The following PLCG2 variants were observed in gnomAD, a reference collection of about 807,000 sequenced individuals.
PLCG2 encodes the protein phospholipase C gamma 2, also known as 1-phosphatidylinositol 4,5-bisphosphate phosphodiesterase gamma-2.
In PLCG2, 69 loss-of-function variants were observed where a neutral mutation model predicts 175.6. The ratio of observed to expected loss-of-function variants is 0.39; its 90% CI spans 0.32 to 0.48. PLCG2 has a LOEUF of 0.48. Ranked by LOEUF, PLCG2 falls within the 20% of genes least tolerant of loss-of-function variation. The pLI is 0.91. For missense variants in PLCG2, 1,798 were observed against 1,650.9 expected (o/e 1.09, Z -1.54); for synonymous variants, 827 against 624.0 (o/e 1.33, Z -4.85).
At chr16:81,894,450 G>A (rs955135752) in intron 12 of PLCG2, among the ~76,000 whole-genome samples, 2 of 151,588 alleles carry the variant, frequency 1.3e-5, no homozygotes, top group African/African-American at 4.8e-5. Context: ...GAAAAGAAGG[G>A]TCAGGTGGCA....
intron 2 of PLCG2, among the ~76,000 whole-genome samples, chr16:81,837,476 G>A (rs937525946): frequency 3.3e-5 from 5 of 152,228 alleles, no homozygotes; most frequent in Admixed American, 6.5e-5. Flanking sequence ...CCTGGCAGAA[G>A]GCGGAGCCCA....
intron 1 of PLCG2, among the ~76,000 whole-genome samples, chr16:81,750,417 T>C (rs992856713): frequency 5.5e-5 from 4 of 72,686 alleles, no homozygotes; most frequent in Non-Finnish European, 1.1e-4. Flanking sequence ...AGTGAGACTC[T>C]GTCTCAAAAA....
intron 2 of PLCG2, among the ~76,000 whole-genome samples, chr16:81,771,296 C>T (rs1002329293): frequency 6.6e-6 from 1 of 152,138 alleles, no homozygotes; most frequent in African/African-American, 2.4e-5. Flanking sequence ...GGTGTTGTCA[C>T]AGCTCACTGC....
intron 2 of PLCG2, among the ~76,000 whole-genome samples, chr16:81,761,587 A>G (rs984607854): frequency 1.1e-4 from 16 of 152,222 alleles, no homozygotes; most frequent in African/African-American, 3.9e-4. Context: ...ATTATGCCCC[A>G]GTTTCCTCCT....
chr16:81,849,501 G>T (rs1457963485), intron 2 of PLCG2, among the ~76,000 whole-genome samples: 1 of 152,148 alleles, frequency 6.6e-6, no homozygotes, highest in Non-Finnish European at 1.5e-5. Context: ...GCTTATGCGT[G>T]TAATCTCTGT....
intron 28 of PLCG2, chr16:81,938,504 G>C (rs1256000040): frequency 4.6e-6 from 2 of 433,404 alleles, no homozygotes; most frequent in Non-Finnish European, 8.3e-6. Flanking sequence ...GCTCTGCCTT[G>C]ATCAGAGGCA....
At chr16:81,765,310 C>A (rs552282279) in intron 2 of PLCG2, among the ~76,000 whole-genome samples, 177 of 151,892 alleles carry the variant, frequency 1.2e-3, no homozygotes, top group African/African-American at 4.2e-3. Context: ...AGGCATGGGA[C>A]AATCTCCCGC....
chr16:81,890,127 G>A (rs1337059922), intron 10 of PLCG2, among the ~76,000 whole-genome samples: 1 of 152,136 alleles, frequency 6.6e-6, no homozygotes, highest in Non-Finnish European at 1.5e-5. Context: ...CGTCTCAAAA[G>A]GCCAATCTTA....
At chr16:81,862,930 G>T (rs1389753638) in intron 5 of PLCG2, among the ~76,000 whole-genome samples, 10 of 152,152 alleles carry the variant, frequency 6.6e-5, no homozygotes, top group Non-Finnish European at 1.3e-4. Context: ...CAATTGTGCT[G>T]TTGAGAGCTG....
At chr16:81,843,345 G>A (rs941672346) in intron 2 of PLCG2, among the ~76,000 whole-genome samples, 4 of 152,232 alleles carry the variant, frequency 2.6e-5, no homozygotes, top group Middle Eastern at 3.4e-3. Flanking sequence ...ACACTCATAC[G>A]TGCACACTTA....
chr16:81,908,200 A>T (rs1386088488), intron 16 of PLCG2, among the ~76,000 whole-genome samples: 1 of 152,214 alleles, frequency 6.6e-6, no homozygotes, highest in Non-Finnish European at 1.5e-5. Context: ...TCAGGATGCC[A>T]GGAGGCCACC....
chr16:81,876,628 G>C (rs980593429), intron 7 of PLCG2, among the ~76,000 whole-genome samples: 1 of 152,152 alleles, frequency 6.6e-6, no homozygotes, highest in African/African-American at 2.4e-5. Flanking sequence ...TATTATTTTA[G>C]TCACTCATCC....
intron 31 of PLCG2, among the ~76,000 whole-genome samples, chr16:81,955,802 TG>T (rs1253641972): frequency 6.6e-6 from 1 of 152,164 alleles, no homozygotes; most frequent in African/African-American, 2.4e-5. Flanking sequence ...GTTGTACTGG[TG>T]GGGGAAGTAG....
At chr16:81,844,837 C>T (rs1372534296) in intron 2 of PLCG2, among the ~76,000 whole-genome samples, 1 of 152,254 alleles carries the variant, frequency 6.6e-6, no homozygotes, top group South Asian at 2.1e-4. Flanking sequence ...TACATCTAGT[C>T]TCCTATTTAC....
intron 1 of PLCG2, among the ~76,000 whole-genome samples, chr16:81,753,016 T>C (rs1909843381): frequency 6.6e-6 from 1 of 152,242 alleles, no homozygotes; most frequent in Non-Finnish European, 1.5e-5. Flanking sequence ...ACACAGCAAG[T>C]GCTTAATAAT....
intron 7 of PLCG2, among the ~76,000 whole-genome samples, chr16:81,878,612 A>G (rs887820775): frequency 3.9e-5 from 6 of 151,970 alleles, no homozygotes; most frequent in Non-Finnish European, 7.4e-5. Flanking sequence ...TCTTGAGTCT[A>G]TTCCCGTCTT....
At chr16:81,926,822 T>G (rs913447134) in intron 22 of PLCG2, among the ~76,000 whole-genome samples, 3 of 152,236 alleles carry the variant, frequency 2.0e-5, no homozygotes, top group African/African-American at 7.2e-5. Context: ...ATGGAAACTT[T>G]TGACTTGTGA....
chr16:81,752,231 C>T (rs1466053222), intron 1 of PLCG2, among the ~76,000 whole-genome samples: 3 of 152,012 alleles, frequency 2.0e-5, no homozygotes, highest in African/African-American at 7.2e-5. Flanking sequence ...TGGAGGCCCT[C>T]ACAATTCTAG....
In PLCG2 at chr16:81,960,598, G is replaced by C; in HGVS notation, c.*2600G>C. On this transcript the variant is annotated 3_prime_UTR_variant, in exon 33 of 33. Transcript: ENST00000564138. The stretch of plus-strand genomic sequence containing the variant: ...GATGTGCAGGAGTGAAAGGTGTAGA[G>C]GGTCTTGTTTTCCAAATTCGATCTC... The C allele has an allele frequency of 8.6e-6, 2 of 231,682 alleles. No individual in the cohort carries two copies. The highest frequency in any genetic ancestry group is 1.7e-5 in the Non-Finnish European group (2 of 117,070). The allele number at this position is 231,682 out of a possible 1,614,324, so 14.4% of individuals were successfully genotyped here. A position where few individuals can be genotyped will look rare whatever the true frequency, so the allele number is the denominator to read the frequency against.
Sources: allele counts gnomAD v4.1 joint callset (sites outside exome capture counted in the v4.1 genomes callset), GRCh38; gene constraint gnomAD v4.1.1; transcripts MANE v1.5; gene names NCBI Gene and HGNC (gene_info 2026-07-23, HGNC 2026-07-21).